The following CDK14 variants were observed in gnomAD, a reference collection of about 807,000 sequenced individuals.
The protein encoded by CDK14 is cyclin-dependent kinase 14.
CDK14 carries 34 observed loss-of-function variants against 60.7 expected under a neutral mutation model. The observed-to-expected ratio is 0.56, with a 90% CI of 0.43 to 0.75. CDK14 has a LOEUF of 0.75. Among genes scored for constraint, CDK14 ranks in the 30% least tolerant of loss-of-function variants. The pLI is 0.00. For missense variants in CDK14, 482 were observed against 564.1 expected, an observed-to-expected ratio of 0.85 and a Z score of 1.47; for synonymous variants, 197 against 203.7, an observed-to-expected ratio of 0.97 and a Z score of 0.28.
At chr7:90,914,807 C>G (rs1793021001) in intron 7 of CDK14, among the ~76,000 whole-genome samples, 1 of 152,204 alleles carries the variant, frequency 6.6e-6, no homozygotes. Context: ...CTTAGCTTCT[C>G]GAGAATTCCA....
At chr7:91,095,585 A>G (rs1768433805) in intron 12 of CDK14, among the ~76,000 whole-genome samples, 1 of 152,214 alleles carries the variant, frequency 6.6e-6, no homozygotes, top group Admixed American at 6.5e-5. Flanking sequence ...TATCAACTTA[A>G]CCAAGATTAA....
At chr7:90,677,345 C>G (rs1436687833) in intron 2 of CDK14, among the ~76,000 whole-genome samples, 1 of 152,186 alleles carries the variant, frequency 6.6e-6, no homozygotes, top group Non-Finnish European at 1.5e-5. Flanking sequence ...GAAACTTGAG[C>G]TACTTGTAAT....
intron 6 of CDK14, among the ~76,000 whole-genome samples, chr7:90,881,426 A>G (rs964691511): frequency 6.6e-6 from 1 of 152,200 alleles, no homozygotes; most frequent in Admixed American, 6.5e-5. Flanking sequence ...TCTAAGAAAT[A>G]TGAGTCTTCA....
chr7:90,986,058 T>A (rs904850079), intron 10 of CDK14, among the ~76,000 whole-genome samples: 2 of 152,128 alleles, frequency 1.3e-5, no homozygotes, highest in Admixed American at 6.6e-5. Context: ...AGTTTTTCTA[T>A]ATGTATTTGA....
At chr7:90,646,387 G>T (rs1216952960) in intron 2 of CDK14, among the ~76,000 whole-genome samples, 5 of 151,320 alleles carry the variant, frequency 3.3e-5, no homozygotes, top group African/African-American at 4.9e-5. Flanking sequence ...CCAGACCCTG[G>T]TTCCTTTGAT....
intron 5 of CDK14, among the ~76,000 whole-genome samples, chr7:90,792,441 A>G (rs1243612082): frequency 4.6e-5 from 7 of 152,166 alleles, no homozygotes; most frequent in African/African-American, 1.7e-4. Context: ...GGCTAGTTTA[A>G]TCTTTAAAAA....
intron 2 of CDK14, among the ~76,000 whole-genome samples, chr7:90,711,120 C>A (rs896260585): frequency 6.6e-6 from 1 of 152,016 alleles, no homozygotes; most frequent in Non-Finnish European, 1.5e-5. Context: ...TTATACAGAA[C>A]TGGCATGTAG....
rs2116044549 is a variant in CDK14, at chr7:91,210,339, TA to T, written c.*3204del. The T allele has an allele frequency of 3.7e-5, 1 of 26,994 alleles. No homozygotes were observed. Among genetic ancestry groups the T allele is most frequent in the East Asian group, 9.1e-4 (1 of 1,102 alleles). The allele number at this position is 26,994 out of a possible 1,614,324, so 1.7% of individuals were successfully genotyped here. A position where few individuals can be genotyped will look rare whatever the true frequency, so the allele number is the denominator to read the frequency against. On this transcript the variant is annotated 3_prime_UTR_variant, in exon 15 of 15. Transcript: ENST00000380050. ...TTTTTAAAGTTTTCCTTTTATCTTT[TA>T]TTTTTTTTTGTATGATGCACTGAGA...
intron 14 of CDK14, among the ~76,000 whole-genome samples, chr7:91,195,835 GC>G (rs1248445232): frequency 6.6e-6 from 1 of 152,076 alleles, no homozygotes; most frequent in Non-Finnish European, 1.5e-5. Context: ...ATAGAAGAAA[GC>G]CCAGACCCCT....
At chr7:90,706,000 A>G (rs1211036892) in intron 2 of CDK14, among the ~76,000 whole-genome samples, 1 of 152,142 alleles carries the variant, frequency 6.6e-6, no homozygotes, top group Non-Finnish European at 1.5e-5. Flanking sequence ...ATATAAAGAC[A>G]GGCATTTCAA....
chr7:90,927,539 G>A (rs887114672), intron 8 of CDK14, among the ~76,000 whole-genome samples: 1 of 152,124 alleles, frequency 6.6e-6, no homozygotes, highest in Admixed American at 6.5e-5. Context: ...GAAATAGACA[G>A]TACACAGCTG....
At chr7:91,048,495 T>C (rs1797301608) in intron 11 of CDK14, among the ~76,000 whole-genome samples, 2 of 152,204 alleles carry the variant, frequency 1.3e-5, no homozygotes, top group Admixed American at 6.5e-5. Context: ...ACATTGCATA[T>C]ATGTAAATAT....
intron 6 of CDK14, among the ~76,000 whole-genome samples, chr7:90,878,093 T>TGTGTGAGA (rs1237217822): frequency 2.3e-4 from 35 of 149,758 alleles, no homozygotes; most frequent in Non-Finnish European, 4.5e-4. Context: ...TGTGTGTGTG[T>TGTGTGAGA]GAGAGAGAGA....
chr7:90,901,689 TAC>T (rs1554370400), intron 7 of CDK14, among the ~76,000 whole-genome samples: 1 of 150,010 alleles, frequency 6.7e-6, no homozygotes, highest in African/African-American at 2.5e-5. Flanking sequence ...TATATATATA[TAC>T]ACACACACAC....
intron 9 of CDK14, among the ~76,000 whole-genome samples, chr7:90,964,898 C>T (rs1434023823): frequency 6.6e-6 from 1 of 152,086 alleles, no homozygotes; most frequent in Admixed American, 6.5e-5. Flanking sequence ...TTTGCTTTTC[C>T]TGGACTTAAT....
At chr7:90,649,356 CCTTCCTTCCTTT>C (rs1563029988) in intron 2 of CDK14, among the ~76,000 whole-genome samples, 2 of 46,024 alleles carry the variant, frequency 4.3e-5, no homozygotes, top group Non-Finnish European at 3.5e-5. Flanking sequence ...TTCCTTCCTT[CCTTCCTTCCTTT>C]CCTTCCTTCC....
At chr7:91,010,835 C>CCTG (rs1562867326) in intron 10 of CDK14, among the ~76,000 whole-genome samples, 1 of 45,830 alleles carries the variant, frequency 2.2e-5, no homozygotes. Flanking sequence ...CTTCCTTCCT[C>CCTG]CCTCCCTCCC....
At chr7:90,939,000 TTTTACTTCTATACTTATA>T (rs1793834165) in intron 8 of CDK14, among the ~76,000 whole-genome samples, 1 of 152,244 alleles carries the variant, frequency 6.6e-6, no homozygotes, top group Non-Finnish European at 1.5e-5. Flanking sequence ...ATGTACTAAA[TTTTACTTCTATACTTATA>T]TTTCAAATAT....
intron 14 of CDK14, among the ~76,000 whole-genome samples, chr7:91,124,748 A>G (rs1799891404): frequency 6.6e-6 from 1 of 152,214 alleles, no homozygotes; most frequent in Non-Finnish European, 1.5e-5. Context: ...CCAGCAGCAT[A>G]ATATGAGTGA....
Sources: allele counts gnomAD v4.1 joint callset (sites outside exome capture counted in the v4.1 genomes callset), GRCh38; gene constraint gnomAD v4.1.1; transcripts MANE v1.5; gene names NCBI Gene and HGNC (gene_info 2026-07-23, HGNC 2026-07-21).